The following BRWD1 variants were observed in gnomAD, a reference collection of about 807,000 sequenced individuals.
BRWD1 encodes the protein bromodomain and WD repeat-containing protein 1.
BRWD1 carries 82 observed loss-of-function variants against 251.2 expected under a neutral mutation model. That is an observed-to-expected ratio of 0.33 (90% CI 0.27 to 0.39). The LOEUF (loss-of-function observed/expected upper bound fraction) is 0.39. Among genes scored for constraint, BRWD1 ranks in the 10% least tolerant of loss-of-function variants. The pLI, the probability that BRWD1 is intolerant of heterozygous loss-of-function variation, is 1.00. For missense variants in BRWD1, 2,233 were observed against 2,711.6 expected, an observed-to-expected ratio of 0.82 and a Z score of 3.92; for synonymous variants, 918 against 902.8, an observed-to-expected ratio of 1.02 and a Z score of -0.30.
chr21:39,230,982 A>C (rs926029911), intron 25 of BRWD1, among the ~76,000 whole-genome samples: 2 of 152,194 alleles, frequency 1.3e-5, no homozygotes, highest in Non-Finnish European at 2.9e-5. Flanking sequence ...TACAGAATCC[A>C]AGAATAATGA....
chr21:39,252,067 G>C (rs1040628040), intron 19 of BRWD1, among the ~76,000 whole-genome samples: 29 of 151,834 alleles, frequency 1.9e-4, no homozygotes, highest in African/African-American at 6.5e-4. Flanking sequence ...AGGAGTTCAC[G>C]ACCAGCCTGG....
At chr21:39,256,623 G>C (rs190575989) in intron 18 of BRWD1, among the ~76,000 whole-genome samples, 253 of 152,140 alleles carry the variant, frequency 1.7e-3, no homozygotes, top group Admixed American at 5.0e-3. Flanking sequence ...GTTAAGGTGG[G>C]TATAGGAGGC....
At chr21:39,312,641 A>G (rs543889465) in intron 4 of BRWD1, 200 bp downstream of exon 4, 11 of 409,052 alleles carry the variant, frequency 2.7e-5, no homozygotes, top group South Asian at 1.5e-4. Context: ...GCCGCCCCCA[A>G]TGACTGTTTC....
intron 21 of BRWD1, among the ~76,000 whole-genome samples, chr21:39,245,703 T>G (rs1481998833): frequency 6.6e-6 from 1 of 151,456 alleles, no homozygotes; most frequent in Non-Finnish European, 1.5e-5. Context: ...GGGTTCAAGC[T>G]ATTCTCCTGC....
In BRWD1 at chr21:39,280,370, T is replaced by C. The variant is rs1025670132; in HGVS notation, c.832-122A>G. ...AAATAAACACATGAAATCCAAAATA[T>C]AGGTAATACTACCGTAGTGAAAAAA... On this transcript the variant is annotated intron_variant, in intron 8 of 40. Transcript: ENST00000342449. 25 of 693,268 alleles carry C rather than the reference T, an allele frequency of 3.6e-5. No homozygotes were observed. In the African/African-American group the frequency reaches 3.7e-4, roughly 10 times the overall value. The allele number at this position is 693,268 out of a possible 1,614,324, so 42.9% of individuals were successfully genotyped here. A position where few individuals can be genotyped will look rare whatever the true frequency, so the allele number is the denominator to read the frequency against.
Position 39,187,790 on chromosome 21 carries a change from G to T in BRWD1, c.*8469C>A, listed in dbSNP as rs981688291. On this transcript the variant is annotated 3_prime_UTR_variant, in exon 41 of 41. Transcript: ENST00000342449. ...TCTGACCTAGGTATGTGACACACGA[G>T]ATTCAGATTAAAATTCTAAAAAATA... 65 of 985,126 alleles carry T rather than the reference G, an allele frequency of 6.6e-5. No homozygotes were observed. Among genetic ancestry groups the T allele is most frequent in the Non-Finnish European group, 7.5e-5 (62 of 829,844 alleles). 61.0% of individuals were successfully genotyped at this position (985,126 alleles called of 1,614,324 possible). A position where few individuals can be genotyped will look rare whatever the true frequency, so the allele number is the denominator to read the frequency against.
intron 29 of BRWD1, among the ~76,000 whole-genome samples, chr21:39,223,086 A>T (rs1479963953): frequency 1.3e-5 from 2 of 152,246 alleles, no homozygotes; most frequent in Non-Finnish European, 2.9e-5. Flanking sequence ...TGGATTAAAG[A>T]CTAAGATGAC....
intron 4 of BRWD1, among the ~76,000 whole-genome samples, chr21:39,311,074 A>T (rs1191443986): frequency 2.7e-5 from 4 of 150,774 alleles, no homozygotes; most frequent in Non-Finnish European, 1.5e-5. Flanking sequence ...TAGCCAAATC[A>T]CAGCCATATT....
intron 23 of BRWD1, among the ~76,000 whole-genome samples, chr21:39,234,221 A>T (rs888862944): frequency 6.6e-6 from 1 of 152,194 alleles, no homozygotes; most frequent in Non-Finnish European, 1.5e-5. Flanking sequence ...ATGCAGAAGC[A>T]TTCCTGGCCC....
chr21:39,231,717 A>G (rs1386614930), intron 25 of BRWD1, among the ~76,000 whole-genome samples: 1 of 152,228 alleles, frequency 6.6e-6, no homozygotes, highest in Non-Finnish European at 1.5e-5. Flanking sequence ...ACTTGCTAAA[A>G]TGTGGAATTC....
chr21:39,308,076 G>C (rs1568978900), intron 4 of BRWD1, among the ~76,000 whole-genome samples: 1 of 152,070 alleles, frequency 6.6e-6, no homozygotes, highest in Non-Finnish European at 1.5e-5. Context: ...ATGAGGTGTT[G>C]CTTATGTTGC....
Position 39,190,685 on chromosome 21 carries a change from A to T in BRWD1, c.*5574T>A. ...CATCCCTCCCAAAGCAGAAGTTTCC[A>T]AAAACATCCCATAAACTGAAGTACC... On this transcript the variant is annotated 3_prime_UTR_variant, in exon 41 of 41. Coordinates refer to ENST00000342449, the MANE Select transcript of BRWD1 (RefSeq NM_033656.4). 1.0e-6 allele frequency: 1 copy of T among 985,404 alleles called. No homozygotes were observed. The highest frequency in any genetic ancestry group is 1.2e-6 in the Non-Finnish European group (1 of 829,906). 61.0% of individuals were successfully genotyped at this position (985,404 alleles called of 1,614,324 possible). A position where few individuals can be genotyped will look rare whatever the true frequency, so the allele number is the denominator to read the frequency against.
rs1427522076 is a variant in BRWD1, at chr21:39,225,034, A to G, written c.3320+52T>C. ...CCAGAAATGTATTATTTATACAGCA[A>G]CCTGCCACACTGAATTACTGGGAAA... On this transcript the variant is annotated intron_variant, in intron 28 of 40. Transcript: ENST00000342449. 2.2e-5 allele frequency: 28 copies of G among 1,273,080 alleles called. No homozygotes were observed. In the East Asian group the frequency reaches 6.5e-4, roughly 30 times the overall value. The allele number at this position is 1,273,080 out of a possible 1,614,324, so 78.9% of individuals were successfully genotyped here.
rs1272251669 is a variant in BRWD1 at position 39,224,109 on chromosome 21, C to CA, written c.3382+298dup. ...AGGTGATCCATCTGCTTTGGCCTCC[C>CA]AAAGTGCTGAGATTACAGGCGTGAG... On this transcript the variant is annotated intron_variant, in intron 29 of 40. Transcript: ENST00000342449. Among the ~76,000 whole-genome samples the CA allele has an allele frequency of 4.6e-5, 7 of 152,312 alleles. No homozygotes were observed. The South Asian group carries it at 1.0e-3, about 23-fold the overall frequency.
In BRWD1 at chr21:39,312,828, G is replaced by A; in HGVS notation, c.198+13C>T. On this transcript the variant is annotated intron_variant, in intron 4 of 40. Coordinates refer to ENST00000342449, the MANE Select transcript of BRWD1 (RefSeq NM_033656.4). ...CACGGAAAACCCGGGGAGCAAACGTGCCCAATGCTCACCAACTCCTCGTAG... is the reference window on the plus strand; with the variant it reads ...CACGGAAAACCCGGGGAGCAAACGTACCCAATGCTCACCAACTCCTCGTAG... 6.3e-7 allele frequency: 1 copy of A among 1,591,640 alleles called. No individual in the cohort carries two copies. Among genetic ancestry groups the A allele is most frequent in the Non-Finnish European group, 8.5e-7 (1 of 1,169,906 alleles).
intron 32 of BRWD1, among the ~76,000 whole-genome samples, 154 bp from the exon 33 acceptor site, chr21:39,213,707 G>A (rs9981884): frequency 0.35 from 53,165 of 151,930 alleles, 10,895 homozygotes; most frequent in Non-Finnish European, 0.48. Flanking sequence ...CTTTGTAAAC[G>A]TAACTAGCCA....
At chr21:39,314,062 T>C, upstream of BRWD1, 1 of 455,900 alleles carries the variant, frequency 2.2e-6, no homozygotes, top group Middle Eastern at 3.3e-4. Flanking sequence ...GGTCGCCCGC[T>C]CCGGGTCGCT....
chr21:39,314,210 C>T (rs1259217068), upstream of BRWD1: 3 of 455,698 alleles, frequency 6.6e-6, no homozygotes, highest in African/African-American at 4.0e-5. Flanking sequence ...GAACGCCGCC[C>T]GGACCCGCGC....
At chr21:39,281,143 G>A (rs2035444379) in intron 8 of BRWD1, among the ~76,000 whole-genome samples, 1 of 152,178 alleles carries the variant, frequency 6.6e-6, no homozygotes, top group African/African-American at 2.4e-5. Context: ...TGCGGCAATG[G>A]GGTAAATGAA....
Sources: gnomAD v4.1 joint callset for allele counts (sites outside exome capture counted in the v4.1 genomes callset) on GRCh38, gnomAD v4.1.1 for gene constraint, MANE v1.5 for transcripts, NCBI Gene and HGNC (gene_info 2026-07-23, HGNC 2026-07-21) for gene names.